PIK3C2G: variants seen among roughly 807,000 people sequenced by gnomAD.
PIK3C2G encodes phosphatidylinositol-4-phosphate 3-kinase catalytic subunit type 2 gamma.
In PIK3C2G, 168 loss-of-function variants were observed where a neutral mutation model predicts 181.1. The observed-to-expected ratio is 0.93, with a 90% CI of 0.82 to 1.05. The LOEUF is 1.05. Among genes scored for constraint, PIK3C2G ranks in the 50% least tolerant of loss-of-function variants. The pLI is 0.00. For synonymous variants in PIK3C2G, 573 were observed against 592.2 expected (o/e 0.97, Z 0.47); for missense variants, 1,869 against 1,732.8 (o/e 1.08, Z -1.40).
At chr12:18,308,279 T>G (rs1950502007) in intron 5 of PIK3C2G, among the ~76,000 whole-genome samples, 5 of 151,842 alleles carry the variant, frequency 3.3e-5, no homozygotes, top group Admixed American at 2.0e-4. Context: ...ACTACAATAT[T>G]ATATTATGAA....
chr12:18,672,255 C>CAACT, the PIK3C2G span, among the ~76,000 whole-genome samples: 1 of 152,102 alleles, frequency 6.6e-6, no homozygotes, highest in Non-Finnish European at 1.5e-5. Flanking sequence ...TGAGAAAATA[C>CAACT]AACTGTCTTA....
At chr12:18,521,098 A>T (rs746249681) in intron 24 of PIK3C2G, among the ~76,000 whole-genome samples, 1 of 151,888 alleles carries the variant, frequency 6.6e-6, no homozygotes, top group Non-Finnish European at 1.5e-5. Flanking sequence ...AAGGCTGGAG[A>T]ACAGCAAAGG....
chr12:18,597,704 A>G (rs1015245972), intron 30 of PIK3C2G, among the ~76,000 whole-genome samples: 1 of 151,972 alleles, frequency 6.6e-6, no homozygotes, highest in African/African-American at 2.4e-5. Flanking sequence ...GAGGAAGTCA[A>G]ATTGTCCCTG....
At chr12:18,399,541 A>G (rs934423033) in intron 15 of PIK3C2G, 118 bp from the exon 16 acceptor site, 30 of 497,878 alleles carry the variant, frequency 6.0e-5, no homozygotes, top group Non-Finnish European at 1.0e-4. Flanking sequence ...GATGTTTTTG[A>G]AAGTAAACTA....
intron 11 of PIK3C2G, among the ~76,000 whole-genome samples, chr12:18,349,449 C>G (rs1940002339): frequency 6.6e-6 from 1 of 152,120 alleles, no homozygotes; most frequent in Non-Finnish European, 1.5e-5. Flanking sequence ...ACTATCAAAT[C>G]TGAGGATCTG....
the PIK3C2G span, among the ~76,000 whole-genome samples, chr12:18,698,497 T>C: frequency 2.0e-5 from 3 of 152,290 alleles, no homozygotes; most frequent in African/African-American, 7.2e-5. Flanking sequence ...TTTGGGTATC[T>C]ATGACCAGCC....
At chr12:18,605,990 G>A (rs532716699) in intron 30 of PIK3C2G, among the ~76,000 whole-genome samples, 13 of 152,250 alleles carry the variant, frequency 8.5e-5, no homozygotes, top group South Asian at 8.3e-4. Flanking sequence ...GATTGAATGC[G>A]TTACTGTACA....
chr12:18,553,092 A>G lies in PIK3C2G; in HGVS notation c.3590+6660A>G, dbSNP rs75550437. On this transcript the variant is annotated intron_variant, in intron 26 of 32. Transcript: ENST00000538779. ...TGTGTACCTGTTAATCCCCATTGATATTTCTGACCCTACGCATTGCATACA... is the reference window on the plus strand; with the variant it reads ...TGTGTACCTGTTAATCCCCATTGATGTTTCTGACCCTACGCATTGCATACA... Among the ~76,000 whole-genome samples, 37 of 152,182 alleles carry G rather than the reference A, an allele frequency of 2.4e-4. No homozygotes were observed. The East Asian group carries it at 7.0e-3, about 29-fold the overall frequency.
chr12:18,486,600 G>A (rs577927711), intron 18 of PIK3C2G, among the ~76,000 whole-genome samples: 4 of 151,408 alleles, frequency 2.6e-5, no homozygotes, highest in East Asian at 3.9e-4. Flanking sequence ...TTTCTATCAC[G>A]TATGTAGCAG....
intron 30 of PIK3C2G, among the ~76,000 whole-genome samples, chr12:18,606,866 A>G (rs1948051691): frequency 6.6e-6 from 1 of 152,164 alleles, no homozygotes. Context: ...CTTGGGAAGT[A>G]AACAATAAAT....
chr12:18,384,490 C>T (rs2137993353), intron 14 of PIK3C2G, among the ~76,000 whole-genome samples: 1 of 152,236 alleles, frequency 6.6e-6, no homozygotes, highest in East Asian at 1.9e-4. Context: ...CAGGTCCAAA[C>T]CACCTTAGCT....
intron 26 of PIK3C2G, among the ~76,000 whole-genome samples, chr12:18,555,602 A>C (rs1047769140): frequency 1.3e-5 from 2 of 152,154 alleles, no homozygotes; most frequent in African/African-American, 4.8e-5. Flanking sequence ...ATAGGACCTA[A>C]GGCTTAAGAA....
chr12:18,638,058 A>G (rs1363945808), intron 31 of PIK3C2G, among the ~76,000 whole-genome samples: 1 of 152,190 alleles, frequency 6.6e-6, no homozygotes, highest in Non-Finnish European at 1.5e-5. Context: ...CCTGTTACCC[A>G]GATTTCTGTC....
chr12:18,550,295 T>A (rs1168566156), intron 26 of PIK3C2G, among the ~76,000 whole-genome samples: 2 of 152,054 alleles, frequency 1.3e-5, no homozygotes, highest in Non-Finnish European at 2.9e-5. Context: ...TGTTTGGAAA[T>A]CCTTAAACAA....
chr12:18,287,003 C>G (rs893309601), intron 3 of PIK3C2G, 74 bp downstream of exon 3: 1 of 617,362 alleles, frequency 1.6e-6, no homozygotes, highest in East Asian at 3.3e-5. Flanking sequence ...CATCACTGAA[C>G]TGATTAATTT....
the PIK3C2G span, among the ~76,000 whole-genome samples, chr12:18,662,751 T>C: frequency 1.3e-5 from 2 of 152,094 alleles, no homozygotes; most frequent in African/African-American, 4.8e-5. Context: ...ATCTCATATG[T>C]TACTGAAGTT....
chr12:18,453,321 C>T (rs956593789), intron 18 of PIK3C2G, among the ~76,000 whole-genome samples: 2 of 152,026 alleles, frequency 1.3e-5, no homozygotes, highest in African/African-American at 2.4e-5. Flanking sequence ...TCTTCTTTGT[C>T]GTTTTTGACC....
rs1006833519 is a variant in PIK3C2G at position 18,538,359 on chromosome 12, G to A, written c.3480+47G>A. On this transcript the variant is annotated intron_variant, in intron 25 of 32. Transcript: ENST00000538779. Reference sequence around the variant, plus strand: ...AACAAAAATAATAAGCTTCATTTATGCCTCTGCTTCAGTAGTCTATTTTTA... The same window carrying A: ...AACAAAAATAATAAGCTTCATTTATACCTCTGCTTCAGTAGTCTATTTTTA... The A allele has an allele frequency of 5.9e-6, 9 of 1,519,968 alleles. No individual in the cohort carries two copies. In the Admixed American group the frequency reaches 6.3e-5, roughly 11 times the overall value. 94.2% of individuals were successfully genotyped at this position (1,519,968 alleles called of 1,614,324 possible). A position where few individuals can be genotyped will look rare whatever the true frequency, so the allele number is the denominator to read the frequency against.
At chr12:18,417,141 CT>C (rs1365845106) in intron 16 of PIK3C2G, among the ~76,000 whole-genome samples, 3 of 152,080 alleles carry the variant, frequency 2.0e-5, no homozygotes, top group Non-Finnish European at 4.4e-5. Context: ...TGTGGTAGAA[CT>C]TATAAGTGAA....
Sources: gnomAD v4.1 joint callset for allele counts (sites outside exome capture counted in the v4.1 genomes callset) on GRCh38, gnomAD v4.1.1 for gene constraint, MANE v1.5 for transcripts, NCBI Gene and HGNC (gene_info 2026-07-23, HGNC 2026-07-21) for gene names.